Variants in RAB6B observed in about 807,000 individuals in gnomAD.
RAB6B encodes RAB6B, member RAS oncogene family.
In RAB6B, 7 loss-of-function variants were observed where a neutral mutation model predicts 31.2. The ratio of observed to expected loss-of-function variants is 0.22; its 90% CI spans 0.13 to 0.42. The LOEUF (loss-of-function observed/expected upper bound fraction) is 0.42. Ranked by LOEUF, RAB6B falls within the 10% of genes least tolerant of loss-of-function variation. RAB6B has a pLI of 1.00. For missense variants in RAB6B, 149 were observed against 280.6 expected, an observed-to-expected ratio of 0.53 and a Z score of 3.35; for synonymous variants, 105 against 104.9, an observed-to-expected ratio of 1.00 and a Z score of -0.01.
intron 1 of RAB6B, among the ~76,000 whole-genome samples, chr3:133,876,659 TCA>T (rs1281528713): frequency 6.6e-6 from 1 of 152,156 alleles, no homozygotes; most frequent in Non-Finnish European, 1.5e-5. Context: ...AGGGTAAGAT[TCA>T]CAGTGTTCAG....
rs1052191755 is a variant in RAB6B, at chr3:133,852,411, T to G, written c.130-10748A>C. Among the ~76,000 whole-genome samples, 3 of 152,042 alleles carry G rather than the reference T, an allele frequency of 2.0e-5. No homozygotes were observed. In the East Asian group the frequency reaches 5.8e-4, roughly 29 times the overall value. ...TAACACTGTCACTAGATGCCCTACC[T>G]GCCAAGCCATTACATATACCTCTTT... On this transcript the variant is annotated intron_variant, in intron 2 of 7. Coordinates refer to ENST00000285208, the MANE Select transcript of RAB6B (RefSeq NM_016577.4).
intron 1 of RAB6B, among the ~76,000 whole-genome samples, chr3:133,887,771 AC>A (rs1207396132): frequency 1.3e-5 from 2 of 152,128 alleles, no homozygotes; most frequent in African/African-American, 2.4e-5. Context: ...GGAAAGGGTT[AC>A]CCCAGAGTAG....
rs993077678 is a variant in RAB6B, at chr3:133,895,732, G to T, written c.-266C>A. 8 of 488,444 alleles carry T rather than the reference G, an allele frequency of 1.6e-5. No homozygotes were observed. The highest frequency in any genetic ancestry group is 1.4e-4 in the African/African-American group (7 of 48,582). The allele number at this position is 488,444 out of a possible 1,614,324, so 30.3% of individuals were successfully genotyped here. A position where few individuals can be genotyped will look rare whatever the true frequency, so the allele number is the denominator to read the frequency against. Reference sequence around the variant, plus strand: ...GGTCGGCACTGGCTGCGGTGCGAGGGGCGCGCTCTTTACGCCCGAGGCGCG... The same window carrying T: ...GGTCGGCACTGGCTGCGGTGCGAGGTGCGCGCTCTTTACGCCCGAGGCGCG... On this transcript the variant is annotated 5_prime_UTR_variant, in exon 1 of 8. Coordinates refer to ENST00000285208, the MANE Select transcript of RAB6B (RefSeq NM_016577.4).
chr3:133,843,987 C>A (rs1935873074), intron 2 of RAB6B, among the ~76,000 whole-genome samples: 1 of 152,192 alleles, frequency 6.6e-6, no homozygotes, highest in Admixed American at 6.5e-5. Context: ...TTAACATAGC[C>A]TAATTAACAA....
Position 133,824,329 on chromosome 3 carries a change from A to G in RAB6B, c.*4459T>C, listed in dbSNP as rs183164063. The G allele has an allele frequency of 1.3e-5, 2 of 152,294 alleles. No homozygotes were observed. Among genetic ancestry groups the G allele is most frequent in the Non-Finnish European group, 2.9e-5 (2 of 68,032 alleles). 9.4% of individuals were successfully genotyped at this position (152,294 alleles called of 1,614,324 possible). ...TTAATGTGAAATCAACATGGCGGCT[A>G]TGTCTTCTGAGCCCATAACAGATGG... On this transcript the variant is annotated 3_prime_UTR_variant, in exon 8 of 8. Transcript: ENST00000285208.
At position 133,895,569 on chromosome 3, in the gene RAB6B, G is replaced by C; in HGVS notation, c.-103C>G. ...GGAGGCGGCCGGCGGTGCGGGAGCC[G>C]GAGGGGGAAGGGCTGGCTGCGCGCG... On this transcript the variant is annotated 5_prime_UTR_variant, in exon 1 of 8. Coordinates refer to ENST00000285208, the MANE Select transcript of RAB6B (RefSeq NM_016577.4). The C allele has an allele frequency of 1.7e-6, 2 of 1,166,558 alleles. No individual in the cohort carries two copies. Among genetic ancestry groups the C allele is most frequent in the Non-Finnish European group, 2.5e-6 (2 of 804,488 alleles). The allele number at this position is 1,166,558 out of a possible 1,614,324, so 72.3% of individuals were successfully genotyped here. A position where few individuals can be genotyped will look rare whatever the true frequency, so the allele number is the denominator to read the frequency against.
chr3:133,889,208 C>T (rs968768921), intron 1 of RAB6B, among the ~76,000 whole-genome samples: 2 of 151,610 alleles, frequency 1.3e-5, no homozygotes, highest in Admixed American at 6.6e-5. Context: ...CAACAATGGA[C>T]GACTTGGGTG....
At chr3:133,844,161 TTGGA>T (rs1244939155) in intron 2 of RAB6B, among the ~76,000 whole-genome samples, 13 of 152,202 alleles carry the variant, frequency 8.5e-5, no homozygotes, top group African/African-American at 2.2e-4. Flanking sequence ...ATTGTGCCAC[TTGGA>T]TGAAGTCCCA....
At chr3:133,845,388 C>T (rs1481393982) in intron 2 of RAB6B, among the ~76,000 whole-genome samples, 2 of 152,218 alleles carry the variant, frequency 1.3e-5, no homozygotes, top group African/African-American at 4.8e-5. Context: ...ACGCAGTGTT[C>T]GTCCCTTCCA....
At position 133,828,275 on chromosome 3, in the gene RAB6B, T is replaced by A. The variant is rs1935604107; in HGVS notation, c.*513A>T. On this transcript the variant is annotated 3_prime_UTR_variant, in exon 8 of 8. Coordinates refer to ENST00000285208, the MANE Select transcript of RAB6B (RefSeq NM_016577.4). ...TTTAACTGGAGTAGGGCCTAGAGAG[T>A]GGGGCCAGATGGCCCCAGACTGAAG... is the stretch of plus-strand genomic sequence containing the variant. 4.5e-6 allele frequency: 2 copies of A among 446,056 alleles called. No individual in the cohort carries two copies. Among genetic ancestry groups the A allele is most frequent in the Non-Finnish European group, 8.0e-6 (2 of 249,466 alleles). The allele number at this position is 446,056 out of a possible 1,614,324, so 27.6% of individuals were successfully genotyped here.
chr3:133,828,776 G>T lies in RAB6B; in HGVS notation c.*12C>A. ...CAAGGAGTGTCATGGGAAGCCACAGGTCGGCTCTGCATTAGCAGGAGCAGC... is the reference window on the plus strand; with the variant it reads ...CAAGGAGTGTCATGGGAAGCCACAGTTCGGCTCTGCATTAGCAGGAGCAGC... On this transcript the variant is annotated 3_prime_UTR_variant, in exon 8 of 8. Coordinates refer to ENST00000285208, the MANE Select transcript of RAB6B (RefSeq NM_016577.4). 1 of 1,602,188 alleles carries T rather than the reference G, an allele frequency of 6.2e-7. No individual in the cohort carries two copies. Among genetic ancestry groups the T allele is most frequent in the South Asian group, 1.1e-5 (1 of 90,818 alleles).
intron 2 of RAB6B, among the ~76,000 whole-genome samples, chr3:133,846,159 A>G (rs190619301): frequency 8.1e-4 from 124 of 152,294 alleles, no homozygotes; most frequent in Admixed American, 1.7e-3. Flanking sequence ...ATAAATGGCA[A>G]TTGGAAGCTG....
chr3:133,891,954 AG>A (rs1936643639), intron 1 of RAB6B, among the ~76,000 whole-genome samples: 6 of 152,138 alleles, frequency 3.9e-5, no homozygotes, highest in Admixed American at 3.9e-4. Flanking sequence ...GGGGAAGGGG[AG>A]GTCAGAAGAA....
intron 1 of RAB6B, among the ~76,000 whole-genome samples, chr3:133,891,627 C>G (rs1936638958): frequency 6.6e-6 from 1 of 152,094 alleles, no homozygotes; most frequent in Non-Finnish European, 1.5e-5. Context: ...GGAATACGCT[C>G]AAAGAATAAA....
At chr3:133,835,563 A>G (rs1006581430) in intron 6 of RAB6B, among the ~76,000 whole-genome samples, 1 of 151,676 alleles carries the variant, frequency 6.6e-6, no homozygotes, top group Non-Finnish European at 1.5e-5. Flanking sequence ...GCTGGCAGAG[A>G]TGGAATCTTG....
chr3:133,888,684 G>T (rs1313449877), intron 1 of RAB6B, among the ~76,000 whole-genome samples: 1 of 152,170 alleles, frequency 6.6e-6, no homozygotes, highest in Non-Finnish European at 1.5e-5. Flanking sequence ...TTTTTAAAAA[G>T]ATCTTACTTT....
At chr3:133,874,255 A>T (rs1228621936) in intron 1 of RAB6B, among the ~76,000 whole-genome samples, 1 of 152,248 alleles carries the variant, frequency 6.6e-6, no homozygotes, top group Admixed American at 6.5e-5. Context: ...GTTCTGAGCA[A>T]CGCATCATTA....
chr3:133,836,362 G>A lies in RAB6B; in HGVS notation c.496-1721C>T, dbSNP rs3804555. On this transcript the variant is annotated intron_variant, in intron 6 of 7. Transcript: ENST00000285208. ...CAAAACAGTCACAGCCTCTACTAGTGGCCAAAATGCCACTAGGGATTTTGA... is the reference window on the plus strand; with the variant it reads ...CAAAACAGTCACAGCCTCTACTAGTAGCCAAAATGCCACTAGGGATTTTGA... 8.0e-4 allele frequency among the ~76,000 whole-genome samples: 117 copies of A among 145,676 alleles called. 1 individual carries two copies. In the East Asian group the frequency reaches 0.022, roughly 27 times the overall value.
At chr3:133,876,161 C>T (rs1272617554) in intron 1 of RAB6B, among the ~76,000 whole-genome samples, 2 of 152,122 alleles carry the variant, frequency 1.3e-5, no homozygotes, top group Non-Finnish European at 2.9e-5. Context: ...ATAACTGAGG[C>T]TTCTCCCAAC....
Sources: gnomAD v4.1 joint callset for allele counts (sites outside exome capture counted in the v4.1 genomes callset) on GRCh38, gnomAD v4.1.1 for gene constraint, MANE v1.5 for transcripts, NCBI Gene and HGNC (gene_info 2026-07-23, HGNC 2026-07-21) for gene names.